Variants in A2M observed in about 807,000 individuals in gnomAD.
The protein encoded by A2M is C3 and PZP-like alpha-2-macroglobulin domain-containing protein 5.
A2M carries 128 observed loss-of-function variants against 183.9 expected under a neutral mutation model. That is an observed-to-expected ratio of 0.70 (90% CI 0.60 to 0.81). The LOEUF (loss-of-function observed/expected upper bound fraction) is 0.81, where lower values mean the gene tolerates loss of function less well. A2M is among the 30% of genes least tolerant of loss of function. A2M has a pLI of 0.00. For synonymous variants in A2M, 592 were observed against 670.8 expected, an observed-to-expected ratio of 0.88 and a Z score of 1.81; for missense variants, 1,495 against 1,787.6, an observed-to-expected ratio of 0.84 and a Z score of 2.95.
At chr12:9,116,106 T>C (rs1363603288), upstream of A2M, 1 of 451,068 alleles carries the variant, frequency 2.2e-6, no homozygotes, top group Non-Finnish European at 4.1e-6. Flanking sequence ...AAAACTACAT[T>C]CCCATTCCCG....
chr12:9,101,411 C>A, intron 12 of A2M, 36 bp downstream of exon 12: 1 of 1,552,290 alleles, frequency 6.4e-7, no homozygotes, highest in South Asian at 1.1e-5. Flanking sequence ...GAGCTTTTGT[C>A]TACAGTGAAG....
At position 9,074,767 on chromosome 12, in the gene A2M, C is replaced by A; in HGVS notation, c.3549G>T (p.Trp1183Cys). The A allele has an allele frequency of 6.2e-7, 1 of 1,612,692 alleles. No individual in the cohort carries two copies. ...GTGCCTTGGGTTTCTGAGGGCGCTC[C>A]CAATGGACAGAGTTGTCTTAAAGAT... ...EAVKKDNSVH[W>C]ERPQKPKAPV... The change falls in exon 29 of 36, where the codon TGG becomes TGT. Residue 1183 changes from tryptophan (W) to cysteine (C), a missense_variant. Transcript: ENST00000318602.
chr12:9,091,187 A>G lies in A2M; in HGVS notation c.2469+14T>C. On this transcript the variant is annotated intron_variant, in intron 19 of 35. Transcript: ENST00000318602. ...ATGGCTACCTTGTATTTAATTTAGGAAAGAGATCCTTACCCGGATGCATTT... is the reference window on the plus strand; with the variant it reads ...ATGGCTACCTTGTATTTAATTTAGGGAAGAGATCCTTACCCGGATGCATTT... 1 of 1,609,324 alleles carries G rather than the reference A, an allele frequency of 6.2e-7. No homozygotes were observed. Among genetic ancestry groups the G allele is most frequent in the Non-Finnish European group, 8.5e-7 (1 of 1,175,802 alleles).
intron 15 of A2M, among the ~76,000 whole-genome samples, chr12:9,098,037 T>G (rs1949437897): frequency 6.6e-6 from 1 of 152,260 alleles, no homozygotes; most frequent in African/African-American, 2.4e-5. Flanking sequence ...GAAACTAGTT[T>G]GACAACTCCT....
chr12:9,096,417 A>G (rs1444312054), intron 15 of A2M, among the ~76,000 whole-genome samples: 1 of 152,202 alleles, frequency 6.6e-6, no homozygotes, highest in Non-Finnish European at 1.5e-5. Context: ...GTGGTGAGCA[A>G]CTGACTCAGT....
chr12:9,101,286 T>C (rs1395341944), intron 12 of A2M, 79 bp from the exon 13 acceptor site: 5 of 1,460,142 alleles, frequency 3.4e-6, no homozygotes, highest in South Asian at 1.2e-5. Flanking sequence ...ACTTGTTTTA[T>C]TGAGTCCCTG....
chr12:9,079,095 A>G (rs544120369), intron 25 of A2M, 149 bp downstream of exon 25: 262 of 587,074 alleles, frequency 4.5e-4, no homozygotes, highest in Middle Eastern at 1.4e-3. Context: ...TCTTCTGATT[A>G]CCTTGCTAAT....
At chr12:9,099,123 C>T (rs1277222897) in intron 14 of A2M, among the ~76,000 whole-genome samples, 6 of 152,092 alleles carry the variant, frequency 3.9e-5, no homozygotes, top group African/African-American at 9.7e-5. Context: ...TATTTCCCAA[C>T]GTTTCATCAT....
At chr12:9,104,618 T>G (rs905793342) in intron 10 of A2M, among the ~76,000 whole-genome samples, 59 of 152,116 alleles carry the variant, frequency 3.9e-4, no homozygotes, top group Admixed American at 9.8e-4. Flanking sequence ...ATACACTAAT[T>G]TAGTAGTAAT....
rs750579929 is a variant in A2M, at chr12:9,115,723, G to C, written c.86+41C>G. ...AAAGAAAAATCTGCAATAAATGAAG[G>C]ACTCTAGGTTCATGCTTCACGCTCT... On this transcript the variant is annotated intron_variant, in intron 1 of 35. Coordinates refer to ENST00000318602, the MANE Select transcript of A2M (RefSeq NM_000014.6). 2.1e-6 allele frequency: 3 copies of C among 1,460,732 alleles called. No individual in the cohort carries two copies. The South Asian group carries it at 3.4e-5, about 17-fold the overall frequency. 90.5% of individuals were successfully genotyped at this position (1,460,732 alleles called of 1,614,324 possible).
At chr12:9,073,019 A>C (rs1189107144) in intron 29 of A2M, 148 bp from the exon 30 acceptor site, 1 of 633,834 alleles carries the variant, frequency 1.6e-6, no homozygotes, top group East Asian at 2.7e-5. Context: ...GATTGATTAT[A>C]ATCTTTAGAT....
intron 22 of A2M, among the ~76,000 whole-genome samples, chr12:9,085,814 T>C (rs1387362400): frequency 6.7e-6 from 1 of 149,994 alleles, no homozygotes; most frequent in Non-Finnish European, 1.5e-5. Context: ...GAAAGAGAAA[T>C]TATGGCTGAT....
At chr12:9,113,172 C>G (rs1038505003) in intron 2 of A2M, among the ~76,000 whole-genome samples, 188 bp downstream of exon 2, 6 of 149,654 alleles carry the variant, frequency 4.0e-5, no homozygotes, top group Non-Finnish European at 7.4e-5. Context: ...TTTAGTTTGC[C>G]TGTAAATATT....
In A2M at chr12:9,071,425, G is replaced by GAAAA. The variant is rs200862130; in HGVS notation, c.4104-851_4104-848dup. Among the ~76,000 whole-genome samples, 104 of 151,360 alleles carry GAAAA rather than the reference G, an allele frequency of 6.9e-4. 1 individual carries two copies. Among genetic ancestry groups the GAAAA allele is most frequent in the African/African-American group, 2.5e-3 (104 of 41,294 alleles). On this transcript the variant is annotated intron_variant, in intron 31 of 35. Coordinates refer to ENST00000318602, the MANE Select transcript of A2M (RefSeq NM_000014.6). ...GGCATATATATACACCAAATTAAAT[G>GAAAA]AAAAAAATATATATATATATACTTA...
Position 9,076,764 on chromosome 12 carries a change from A to G in A2M, c.3524T>C (p.Val1175Ala). The stretch of plus-strand genomic sequence containing the variant: ...CTCAGGTGTGCTCTCACCTTTCTTC[A>G]CAGCTTCCTCATTAAGTGACTTGAG... ...EVLKSLNEEA[V>A]KKDNSVHWER... The change falls in exon 28 of 36, where the codon GTG (valine) becomes GCG (alanine). Residue 1175 changes from valine (V) to alanine (A), a missense_variant. Val to Ala is a moderately conservative substitution (Grantham distance 64). Transcript: ENST00000318602. 2 of 1,613,892 alleles carry G rather than the reference A, an allele frequency of 1.2e-6. No homozygotes were observed. The highest frequency in any genetic ancestry group is 1.7e-6 in the Non-Finnish European group (2 of 1,179,840).
rs757307765 is a variant in A2M at position 9,113,593 on chromosome 12, G to A, written c.87-50C>T. On this transcript the variant is annotated intron_variant, in intron 1 of 35. Transcript: ENST00000318602. ...AGGAAAGTGAAGGAAGAGAGGCATTGCTATCAACAGCACTTTTTTCCATCA... is the reference window on the plus strand; with the variant it reads ...AGGAAAGTGAAGGAAGAGAGGCATTACTATCAACAGCACTTTTTTCCATCA... The A allele has an allele frequency of 5.2e-6, 8 of 1,525,286 alleles. No individual in the cohort carries two copies. The Admixed American group carries it at 7.0e-5, about 13-fold the overall frequency. 94.5% of individuals were successfully genotyped at this position (1,525,286 alleles called of 1,614,324 possible).
chr12:9,108,968 T>A (rs1938515236), intron 7 of A2M, among the ~76,000 whole-genome samples: 1 of 152,182 alleles, frequency 6.6e-6, no homozygotes, highest in South Asian at 2.1e-4. Context: ...ATCTCCCTAA[T>A]ATACGTTTGG....
chr12:9,095,860 C>T (rs1174613990), intron 15 of A2M, among the ~76,000 whole-genome samples, 160 bp from the exon 16 acceptor site: 2 of 147,448 alleles, frequency 1.4e-5, no homozygotes, highest in East Asian at 2.0e-4. Flanking sequence ...CCCGGGTTCA[C>T]GCCATTCTCC....
Position 9,106,579 on chromosome 12 carries a change from C to T in A2M, c.906G>A (p.Gln302=). 6.3e-7 allele frequency: 1 copy of T among 1,584,354 alleles called. No individual in the cohort carries two copies. The highest frequency in any genetic ancestry group is 8.6e-7 in the Non-Finnish European group (1 of 1,162,560). The stretch of plus-strand genomic sequence containing the variant: ...GCTGGAAGACCTTGGTTTTTACTTG[C>T]TGATAGAAGCAGCCATGGCTGTTTA... ...GQLNSHGCFY[Q]QVKTKVFQLK... is the part of the protein sequence containing the mutation. Residue 302 remains glutamine, a synonymous_variant, in exon 9 of 36, where the codon CAG becomes CAA. Coordinates refer to ENST00000318602, the MANE Select transcript of A2M (RefSeq NM_000014.6).
Sources: gnomAD v4.1 joint callset for allele counts (sites outside exome capture counted in the v4.1 genomes callset) on GRCh38, gnomAD v4.1.1 for gene constraint, MANE v1.5 for transcripts, NCBI Gene and HGNC (gene_info 2026-07-23, HGNC 2026-07-21) for gene names.